Variants in WDR25 observed in about 807,000 individuals in gnomAD.
The protein encoded by WDR25 is WD repeat domain 25.
WDR25 carries 35 observed loss-of-function variants against 47.7 expected under a neutral mutation model. The observed-to-expected ratio is 0.73, with a 90% CI of 0.56 to 0.97. WDR25 has a LOEUF of 0.97. Among genes scored for constraint, WDR25 ranks in the 50% least tolerant of loss-of-function variants. WDR25 has a pLI of 0.00. For missense variants in WDR25, 634 were observed against 704.7 expected, an observed-to-expected ratio of 0.90 and a Z score of 1.14; for synonymous variants, 248 against 278.9, an observed-to-expected ratio of 0.89 and a Z score of 1.10.
At chr14:100,486,367 A>G (rs893979429) in intron 4 of WDR25, among the ~76,000 whole-genome samples, 1 of 152,194 alleles carries the variant, frequency 6.6e-6, no homozygotes, top group African/African-American at 2.4e-5. Flanking sequence ...AGCAATTAGA[A>G]GCAGATGTTG....
chr14:100,408,351 C>A (rs1338663352), intron 2 of WDR25, among the ~76,000 whole-genome samples: 1 of 152,082 alleles, frequency 6.6e-6, no homozygotes, highest in Non-Finnish European at 1.5e-5. Flanking sequence ...GGCTTAGAAA[C>A]TCCTGTATTT....
At chr14:100,397,331 T>G (rs548312881) in intron 2 of WDR25, among the ~76,000 whole-genome samples, 1 of 152,342 alleles carries the variant, frequency 6.6e-6, no homozygotes, top group Non-Finnish European at 1.5e-5. Context: ...AGGGCTTACT[T>G]CCTTCACTTC....
In WDR25 at chr14:100,377,292, A is replaced by AGTTGTTGTTGTT. The variant is rs56705876; in HGVS notation, c.-16+807_-16+818dup. 4.2e-4 allele frequency among the ~76,000 whole-genome samples: 63 copies of AGTTGTTGTTGTT among 151,422 alleles called. No individual in the cohort carries two copies. In the East Asian group the frequency reaches 7.2e-3, roughly 17 times the overall value. ...GATGAGCTGGCTGGCTGGCTTTAGA[A>AGTTGTTGTTGTT]GTTGTTGTTGTTGTTGTTGTTTTTT... is the stretch of plus-strand genomic sequence containing the variant. On this transcript the variant is annotated intron_variant, in intron 1 of 6. Transcript: ENST00000402312.
Position 100,500,336 on chromosome 14 carries a change from A to C in WDR25, c.1101+16212A>C, listed in dbSNP as rs1900876400. Among the ~76,000 whole-genome samples, 1 of 152,146 alleles carries C rather than the reference A, an allele frequency of 6.6e-6. No homozygotes were observed. On this transcript the variant is annotated intron_variant, in intron 4 of 6. Coordinates refer to ENST00000402312, the MANE Select transcript of WDR25 (RefSeq NM_001161476.3). This position sits in a 1 kb window ranked among gnomAD's most constrained non-coding sequence, Gnocchi z 4.7. ...TGCCCTAATTCAGTGGCCTAGAGGC[A>C]GGCCAGCTCGTCTCTTCTGCTCCTT...
chr14:100,446,125 G>A (rs1174473199), intron 2 of WDR25, among the ~76,000 whole-genome samples: 1 of 152,190 alleles, frequency 6.6e-6, no homozygotes, highest in Non-Finnish European at 1.5e-5. Flanking sequence ...GTGGGGAAGG[G>A]TAGCCATGAA....
intron 4 of WDR25, among the ~76,000 whole-genome samples, chr14:100,493,510 A>C (rs539259134): frequency 6.6e-6 from 1 of 152,216 alleles, no homozygotes; most frequent in Admixed American, 6.5e-5. Context: ...TCACAGAAAA[A>C]ATTTAGCAGA....
At chr14:100,411,762 C>T (rs1054061411) in intron 2 of WDR25, among the ~76,000 whole-genome samples, 9 of 152,148 alleles carry the variant, frequency 5.9e-5, no homozygotes, top group Non-Finnish European at 1.0e-4. Context: ...TCTCAAACTC[C>T]GGACCTCAGG....
chr14:100,379,385 T>C (rs1212765909), intron 1 of WDR25, among the ~76,000 whole-genome samples: 3 of 147,442 alleles, frequency 2.0e-5, no homozygotes, highest in Non-Finnish European at 3.0e-5. Flanking sequence ...GTCTTCTTTT[T>C]TTTTCTTTTT....
intron 2 of WDR25, among the ~76,000 whole-genome samples, chr14:100,398,435 A>G (rs1444564385): frequency 6.6e-6 from 1 of 152,192 alleles, no homozygotes; most frequent in Non-Finnish European, 1.5e-5. Flanking sequence ...AATCATTGTT[A>G]GAAAAACAGG....
intron 2 of WDR25, among the ~76,000 whole-genome samples, chr14:100,414,611 C>A (rs1243865975): frequency 1.3e-5 from 2 of 152,152 alleles, no homozygotes; most frequent in African/African-American, 4.8e-5. Context: ...CCGCACCCGG[C>A]CGCCTAGAGG....
intron 2 of WDR25, among the ~76,000 whole-genome samples, chr14:100,457,162 C>T (rs987017787): frequency 3.3e-5 from 5 of 152,134 alleles, no homozygotes; most frequent in African/African-American, 9.7e-5. Flanking sequence ...ACCATATAGG[C>T]CAGGCTGGTC....
intron 2 of WDR25, among the ~76,000 whole-genome samples, chr14:100,384,271 CCAGGG>C (rs1470487837): frequency 1.3e-5 from 2 of 152,230 alleles, no homozygotes; most frequent in African/African-American, 4.8e-5. Context: ...AAATGGTGGG[CCAGGG>C]CCCTCTCTGT....
At position 100,407,031 on chromosome 14, in the gene WDR25, G is replaced by A. The variant is rs1897558861; in HGVS notation, c.822+25285G>A. 6.6e-6 allele frequency: 1 copy of A among 152,328 alleles called. No individual in the cohort carries two copies. Among genetic ancestry groups the A allele is most frequent in the African/African-American group, 2.4e-5 (1 of 41,476 alleles). The allele number at this position is 152,328 out of a possible 1,614,324, so 9.4% of individuals were successfully genotyped here. A position where few individuals can be genotyped will look rare whatever the true frequency, so the allele number is the denominator to read the frequency against. On this transcript the variant is annotated intron_variant, in intron 2 of 6. Transcript: ENST00000402312. This position sits in a 1 kb window ranked among gnomAD's most constrained non-coding sequence, Gnocchi z 4.1. ...GTGTGAGAAGGACCCCGCCGTGCCA[G>A]GGCAGCCTCAAGGAGCTGTTGAGCG...
chr14:100,377,164 G>A (rs1896716573), intron 1 of WDR25, among the ~76,000 whole-genome samples: 1 of 152,224 alleles, frequency 6.6e-6, no homozygotes, highest in Non-Finnish European at 1.5e-5. Flanking sequence ...GAGTGGCCTC[G>A]GGACCAGGCT....
chr14:100,477,442 T>C (rs1267250272), intron 3 of WDR25, among the ~76,000 whole-genome samples: 2 of 152,354 alleles, frequency 1.3e-5, no homozygotes, highest in Admixed American at 6.5e-5. Flanking sequence ...CAGTTTCCTA[T>C]AATAAGCATA....
rs201422457 is a variant in WDR25 at position 100,381,568 on chromosome 14, C to A, written c.644C>A (p.Pro215Gln). Reference protein sequence around the residue: ...GRAPAPLYVGPGVSEFIQPYL... With the variant: ...GRAPAPLYVGQGVSEFIQPYL... Reference sequence around the variant, plus strand: ...GCCCCAGCCCCTCTCTACGTGGGCCCGGGAGTGTCTGAGTTTATTCAGCCA... The same window carrying A: ...GCCCCAGCCCCTCTCTACGTGGGCCAGGGAGTGTCTGAGTTTATTCAGCCA... The change falls in exon 2 of 7, where the codon CCG becomes CAG. Residue 215 changes from proline (P) to glutamine (Q), a missense_variant. Physicochemically the swap from Pro to Gln is moderately conservative, Grantham distance 76. Transcript: ENST00000402312. The A allele has an allele frequency of 1.2e-6, 2 of 1,609,618 alleles. No individual in the cohort carries two copies. Among genetic ancestry groups the A allele is most frequent in the Non-Finnish European group, 1.7e-6 (2 of 1,176,938 alleles).
At position 100,529,791 on chromosome 14, in the gene WDR25, T is replaced by A. The variant is rs2030387907; in HGVS notation, c.1414-29T>A. On this transcript the variant is annotated intron_variant, in intron 6 of 6. Transcript: ENST00000402312. This position sits in a 1 kb window ranked among gnomAD's most constrained non-coding sequence, Gnocchi z 5.1. The stretch of plus-strand genomic sequence containing the variant: ...CTCACCCCGGCTTGACAGGTGCGGC[T>A]TGCTCACCCACTGTGTCCCTCTCTG... 1 of 1,603,466 alleles carries A rather than the reference T, an allele frequency of 6.2e-7. No individual in the cohort carries two copies. Among genetic ancestry groups the A allele is most frequent in the Non-Finnish European group, 8.5e-7 (1 of 1,175,464 alleles).
chr14:100,378,208 C>G (rs1896775096), intron 1 of WDR25, among the ~76,000 whole-genome samples: 1 of 151,430 alleles, frequency 6.6e-6, no homozygotes, highest in Non-Finnish European at 1.5e-5. Flanking sequence ...TCACTCTTGT[C>G]GCCCAGGCTG....
At chr14:100,414,864 A>G (rs12878306) in intron 2 of WDR25, among the ~76,000 whole-genome samples, 1 of 151,102 alleles carries the variant, frequency 6.6e-6, no homozygotes, top group Non-Finnish European at 1.5e-5. Context: ...AGATCGCGCC[A>G]CTGCACTCCA....
Sources: gnomAD v4.1 joint callset for allele counts (sites outside exome capture counted in the v4.1 genomes callset) on GRCh38, gnomAD v4.1.1 for gene constraint, Gnocchi (gnomAD v3.1) non-coding constraint, MANE v1.5 for transcripts, NCBI Gene and HGNC (gene_info 2026-07-23, HGNC 2026-07-21) for gene names.